The following GPC5 variants were observed in gnomAD, a reference collection of about 807,000 sequenced individuals.
GPC5 encodes glypican-5.
Under a neutral mutation model 53.9 loss-of-function variants are expected in GPC5, and 47 were observed. The ratio of observed to expected loss-of-function variants is 0.87; its 90% CI spans 0.69 to 1.11. The LOEUF (loss-of-function observed/expected upper bound fraction) is 1.11, where lower values mean the gene tolerates loss of function less well. Among genes scored for constraint, GPC5 ranks in the 50% most tolerant of loss-of-function variants. The pLI is 0.00. For synonymous variants in GPC5, 286 were observed against 263.3 expected (o/e 1.09, Z -0.84); for missense variants, 748 against 713.1 (o/e 1.05, Z -0.56).
chr13:92,865,227 C>A lies in GPC5; in HGVS notation c.1562-1055C>A, dbSNP rs993301127. ...AATGCGACTGGATCTTGGTGTATGA[C>A]TTTGCCCGCTTTTTTTTAAATGAAA... On this transcript the variant is annotated intron_variant, in intron 7 of 7. Coordinates refer to ENST00000377067, the MANE Select transcript of GPC5 (RefSeq NM_004466.6). Among the ~76,000 whole-genome samples, 3 of 152,070 alleles carry A rather than the reference C, an allele frequency of 2.0e-5. No individual in the cohort carries two copies. In the South Asian group the frequency reaches 6.2e-4, roughly 32 times the overall value.
Position 91,627,419 on chromosome 13 carries a change from G to A in GPC5, c.326-65768G>A, listed in dbSNP as rs551978080. ...ACACTGTTGGTGGGACTGTAAACTA[G>A]TTCAACCATTGTGGAAGACAGTGTG... is the stretch of plus-strand genomic sequence containing the variant. On this transcript the variant is annotated intron_variant, in intron 2 of 7. Coordinates refer to ENST00000377067, the MANE Select transcript of GPC5 (RefSeq NM_004466.6). Among the ~76,000 whole-genome samples the A allele has an allele frequency of 2.1e-4, 32 of 152,156 alleles. 1 individual carries two copies. The South Asian group carries it at 6.4e-3, about 31-fold the overall frequency.
At chr13:92,229,504 G>A (rs1468497237) in intron 7 of GPC5, among the ~76,000 whole-genome samples, 2 of 151,940 alleles carry the variant, frequency 1.3e-5, no homozygotes, top group Non-Finnish European at 2.9e-5. Flanking sequence ...ATATTTTTAG[G>A]TTGAGCTTCT....
chr13:92,731,671 A>G (rs550054054), intron 7 of GPC5, among the ~76,000 whole-genome samples: 14 of 151,456 alleles, frequency 9.2e-5, no homozygotes, highest in Non-Finnish European at 1.6e-4. Context: ...GCTTTCAAAC[A>G]AACAAATTAC....
At chr13:92,164,139 C>T (rs1346087191) in intron 7 of GPC5, among the ~76,000 whole-genome samples, 1 of 152,122 alleles carries the variant, frequency 6.6e-6, no homozygotes, top group East Asian at 1.9e-4. Flanking sequence ...GGACTCAGAC[C>T]CAGATCATAT....
chr13:92,804,031 G>C (rs1321269359), intron 7 of GPC5, among the ~76,000 whole-genome samples: 1 of 151,976 alleles, frequency 6.6e-6, no homozygotes. Context: ...TCTCCTAACT[G>C]AGAAGTAAAC....
At chr13:92,462,785 C>T (rs1057040164) in intron 7 of GPC5, among the ~76,000 whole-genome samples, 8 of 149,346 alleles carry the variant, frequency 5.4e-5, no homozygotes, top group East Asian at 2.0e-4. Context: ...GGCATGATCT[C>T]GGTTCACTGC....
At chr13:91,700,036 C>T (rs963384169) in intron 3 of GPC5, among the ~76,000 whole-genome samples, 8 of 151,982 alleles carry the variant, frequency 5.3e-5, no homozygotes, top group African/African-American at 1.7e-4. Flanking sequence ...AAATTTGATA[C>T]TCTGTTGAGG....
intron 6 of GPC5, among the ~76,000 whole-genome samples, chr13:92,015,117 C>G (rs1260355612): frequency 2.0e-5 from 3 of 152,042 alleles, no homozygotes; most frequent in Non-Finnish European, 4.4e-5. Flanking sequence ...TTTTCAAAGT[C>G]TAGAGACATT....
At chr13:91,471,037 C>A (rs1733733631) in intron 2 of GPC5, among the ~76,000 whole-genome samples, 1 of 152,062 alleles carries the variant, frequency 6.6e-6, no homozygotes, top group Non-Finnish European at 1.5e-5. Flanking sequence ...AACAAACAAC[C>A]CCCCAAACAA....
intron 7 of GPC5, among the ~76,000 whole-genome samples, chr13:92,417,174 C>T (rs1303016923): frequency 6.6e-6 from 1 of 152,196 alleles, no homozygotes; most frequent in Non-Finnish European, 1.5e-5. Flanking sequence ...GGACCATCTG[C>T]ACAGGCAAAA....
chr13:91,510,680 A>G (rs1031731822), intron 2 of GPC5, among the ~76,000 whole-genome samples: 7 of 152,166 alleles, frequency 4.6e-5, no homozygotes, highest in Non-Finnish European at 7.4e-5. Flanking sequence ...GTGTTAATTT[A>G]TATCCCACCA....
At chr13:91,833,004 A>G (rs978049196) in intron 5 of GPC5, among the ~76,000 whole-genome samples, 26 of 152,176 alleles carry the variant, frequency 1.7e-4, no homozygotes, top group Non-Finnish European at 1.0e-4. Flanking sequence ...CAGCCAGACT[A>G]ATAAAGAAGA....
At chr13:92,091,014 A>G (rs7994558) in intron 6 of GPC5, among the ~76,000 whole-genome samples, 127,410 of 152,054 alleles carry the variant, frequency 0.84, 55,328 homozygotes, top group East Asian at 1. Flanking sequence ...CTAAAAAGGC[A>G]GCTTTCACGA....
intron 7 of GPC5, among the ~76,000 whole-genome samples, chr13:92,423,390 TTTAA>T (rs1170947721): frequency 6.6e-6 from 1 of 152,222 alleles, no homozygotes; most frequent in African/African-American, 2.4e-5. Context: ...TCCTAATTTA[TTTAA>T]TTTCTTATTT....
At chr13:92,576,162 C>A (rs1883183795) in intron 7 of GPC5, among the ~76,000 whole-genome samples, 1 of 152,202 alleles carries the variant, frequency 6.6e-6, no homozygotes, top group African/African-American at 2.4e-5. Flanking sequence ...AATCTGTTCT[C>A]TTCATAACAT....
intron 7 of GPC5, among the ~76,000 whole-genome samples, chr13:92,280,378 C>T (rs1174486664): frequency 2.0e-5 from 3 of 152,176 alleles, no homozygotes; most frequent in Non-Finnish European, 4.4e-5. Context: ...TCTATTAGTT[C>T]CTTCCTTTTG....
At chr13:91,566,552 ACT>A (rs1031796781) in intron 2 of GPC5, among the ~76,000 whole-genome samples, 14 of 152,090 alleles carry the variant, frequency 9.2e-5, no homozygotes, top group Admixed American at 3.3e-4. Context: ...ACAGAGCAAG[ACT>A]CTGTCTCAAA....
At chr13:92,372,488 A>G (rs1027699068) in intron 7 of GPC5, among the ~76,000 whole-genome samples, 70 of 152,270 alleles carry the variant, frequency 4.6e-4, no homozygotes, top group African/African-American at 1.6e-3. Context: ...ACTCCCCTCA[A>G]TTAAATAGAA....
At position 91,876,740 on chromosome 13, in the gene GPC5, G is replaced by A. The variant is rs144413567; in HGVS notation, c.1281-31197G>A. ...ATTTTCGGGGGAGAAATTCAAGCTG[G>A]CTGGAGAAATTTGCATAAGTAGCAA... On this transcript the variant is annotated intron_variant, in intron 5 of 7. Coordinates refer to ENST00000377067, the MANE Select transcript of GPC5 (RefSeq NM_004466.6). Among the ~76,000 whole-genome samples the A allele has an allele frequency of 6.9e-3, 1,045 of 152,298 alleles. 25 individuals are homozygous for A. The highest frequency in any genetic ancestry group is 7.7e-3 in the Admixed American group (118 of 15,306).
Sources: allele counts gnomAD v4.1 joint callset (sites outside exome capture counted in the v4.1 genomes callset), GRCh38; gene constraint gnomAD v4.1.1; transcripts MANE v1.5; gene names NCBI Gene and HGNC (gene_info 2026-07-23, HGNC 2026-07-21).